The following CRTC1 variants were observed in gnomAD, a reference collection of about 807,000 sequenced individuals.
The protein encoded by CRTC1 is CREB regulated transcription coactivator 1.
CRTC1 carries 18 observed loss-of-function variants against 66.1 expected under a neutral mutation model. The ratio of observed to expected loss-of-function variants is 0.27; its 90% CI spans 0.19 to 0.40. CRTC1 has a LOEUF of 0.40. Ranked by LOEUF, CRTC1 falls within the 10% of genes least tolerant of loss-of-function variation. CRTC1 has a pLI of 1.00. For synonymous variants in CRTC1, 416 were observed against 398.8 expected (o/e 1.04, Z -0.51); for missense variants, 669 against 887.9 (o/e 0.75, Z 3.13).
intron 1 of CRTC1, among the ~76,000 whole-genome samples, chr19:18,734,823 G>C (rs1043381148): frequency 6.6e-6 from 1 of 152,218 alleles, no homozygotes; most frequent in African/African-American, 2.4e-5. Flanking sequence ...GGCAGCTCCT[G>C]CTACACAGCA....
chr19:18,762,465 C>G (rs1325307359), intron 8 of CRTC1, among the ~76,000 whole-genome samples: 1 of 152,232 alleles, frequency 6.6e-6, no homozygotes, highest in Non-Finnish European at 1.5e-5. Context: ...CCTCGCAAGC[C>G]CACCCGCCAG....
In CRTC1 at chr19:18,745,840, G is replaced by T. The variant is rs764017384; in HGVS notation, c.261G>T (p.Ser87=). Reference sequence around the variant, plus strand: ...TCCCCCAGACCCCCTTCCAATCCTCGGGCCTGGACACCAGCCGGACCACCC... The same window carrying T: ...TCCCCCAGACCCCCTTCCAATCCTCTGGCCTGGACACCAGCCGGACCACCC... ...DLPFQTPFQS[S]GLDTSRTTRH... Residue 87 remains serine (S), a synonymous_variant, in exon 3 of 14, where the codon TCG becomes TCT. Coordinates refer to ENST00000321949, the MANE Select transcript of CRTC1 (RefSeq NM_015321.3). The T allele has an allele frequency of 6.2e-7, 1 of 1,613,842 alleles. No homozygotes were observed. Among genetic ancestry groups the T allele is most frequent in the African/African-American group, 1.3e-5 (1 of 75,028 alleles).
At chr19:18,744,378 G>T (rs2054182933) in intron 2 of CRTC1, among the ~76,000 whole-genome samples, 1 of 152,214 alleles carries the variant, frequency 6.6e-6, no homozygotes, top group Non-Finnish European at 1.5e-5. Context: ...GACTCTTGGG[G>T]TCCATCTGGG....
chr19:18,760,871 C>T lies in CRTC1; in HGVS notation c.886+643C>T, dbSNP rs1020741710. Among the ~76,000 whole-genome samples the T allele has an allele frequency of 2.6e-5, 4 of 151,966 alleles. No homozygotes were observed. The highest frequency in any genetic ancestry group is 2.1e-4 in the South Asian group (1 of 4,820). ...CTGACCCATTGTCAGCGTGTCCTGT[C>T]GGTTCCGCCCTCAGGACCTGGCCTG... On this transcript the variant is annotated intron_variant, in intron 8 of 13. Coordinates refer to ENST00000321949, the MANE Select transcript of CRTC1 (RefSeq NM_015321.3). The surrounding 1 kb of genome is among the most constrained non-coding windows in gnomAD (Gnocchi z 6.2).
In CRTC1 at chr19:18,778,099, G is replaced by C. The variant is rs1363310173; in HGVS notation, c.*717G>C. 8.6e-6 allele frequency: 2 copies of C among 232,964 alleles called. No individual in the cohort carries two copies. Among genetic ancestry groups the C allele is most frequent in the African/African-American group, 2.2e-5 (1 of 45,316 alleles). 14.4% of individuals were successfully genotyped at this position (232,964 alleles called of 1,614,324 possible). On this transcript the variant is annotated 3_prime_UTR_variant, in exon 14 of 14. Coordinates refer to ENST00000321949, the MANE Select transcript of CRTC1 (RefSeq NM_015321.3). ...CGAAGCCCTGCCTCACCGCAGGCAG[G>C]CCCATCGGTGGCCACCTTTGCCGGG... is the stretch of plus-strand genomic sequence containing the variant.
intron 12 of CRTC1, among the ~76,000 whole-genome samples, chr19:18,775,303 C>T (rs1286882800): frequency 2.0e-5 from 3 of 152,232 alleles, no homozygotes; most frequent in African/African-American, 4.8e-5. Flanking sequence ...GTGGACGCGG[C>T]GCCTCGGCAT....
At chr19:18,706,806 T>C (rs1045022302) in intron 1 of CRTC1, among the ~76,000 whole-genome samples, 2 of 152,204 alleles carry the variant, frequency 1.3e-5, no homozygotes, top group African/African-American at 4.8e-5. Context: ...TGGAGAAATG[T>C]TTATTCAAGT....
At chr19:18,703,260 C>T (rs1279238964) in intron 1 of CRTC1, among the ~76,000 whole-genome samples, 2 of 152,064 alleles carry the variant, frequency 1.3e-5, no homozygotes, top group Non-Finnish European at 2.9e-5. Context: ...GTCTCAATCT[C>T]CTGACCTCGT....
chr19:18,775,131 G>A (rs993131446), intron 12 of CRTC1, 145 bp downstream of exon 12: 79 of 789,982 alleles, frequency 1.0e-4, no homozygotes, highest in Middle Eastern at 3.7e-4. Flanking sequence ...CTCGGCCCCC[G>A]CCCCGTCCCA....
intron 11 of CRTC1, among the ~76,000 whole-genome samples, chr19:18,772,633 G>T (rs1274249932): frequency 6.6e-6 from 1 of 152,150 alleles, no homozygotes; most frequent in Admixed American, 6.5e-5. Flanking sequence ...AAGCCCCTCT[G>T]CCCCCATCTC....
rs1355155586 is a variant in CRTC1, at chr19:18,741,373, C to A, written c.127-1537C>A. Among the ~76,000 whole-genome samples the A allele has an allele frequency of 6.6e-6, 1 of 152,228 alleles. No homozygotes were observed. Among genetic ancestry groups the A allele is most frequent in the Non-Finnish European group, 1.5e-5 (1 of 68,034 alleles). On this transcript the variant is annotated intron_variant, in intron 1 of 13. Transcript: ENST00000321949. The surrounding 1 kb of genome is among the most constrained non-coding windows in gnomAD (Gnocchi z 4.2). ...TGTCACACGTCGTGTGTCCCTCTCA[C>A]ACCCGCCTGTAGCACTCACTCTAGG...
Position 18,690,631 on chromosome 19 carries a change from A to G in CRTC1, c.126+6803A>G, listed in dbSNP as rs181599627. On this transcript the variant is annotated intron_variant, in intron 1 of 13. Coordinates refer to ENST00000321949, the MANE Select transcript of CRTC1 (RefSeq NM_015321.3). ...CCCTGTAACCCGTGAATTGGACCTT[A>G]GTTGGAAAAAAGGTTTCTGTAGATG... Among the ~76,000 whole-genome samples the G allele has an allele frequency of 2.0e-5, 3 of 152,228 alleles. No individual in the cohort carries two copies. The East Asian group carries it at 5.8e-4, about 29-fold the overall frequency.
intron 1 of CRTC1, among the ~76,000 whole-genome samples, chr19:18,726,310 C>T (rs2053751244): frequency 6.6e-6 from 1 of 152,354 alleles, no homozygotes; most frequent in Admixed American, 6.5e-5. Context: ...CTCGCTTCAC[C>T]CCTCGGTCCC....
At chr19:18,703,963 CCT>C (rs2053204537) in intron 1 of CRTC1, among the ~76,000 whole-genome samples, 1 of 152,162 alleles carries the variant, frequency 6.6e-6, no homozygotes, top group South Asian at 2.1e-4. Flanking sequence ...CTCAATGTCT[CCT>C]CATCATCCGT....
At chr19:18,759,882 C>G in intron 7 of CRTC1, 126 bp from the exon 8 acceptor site, 1 of 820,128 alleles carries the variant, frequency 1.2e-6, no homozygotes, top group Admixed American at 2.4e-5. Flanking sequence ...AGTGGTTTCC[C>G]AAGCACACGG....
chr19:18,735,188 C>T (rs1440313934), intron 1 of CRTC1, among the ~76,000 whole-genome samples: 2 of 152,162 alleles, frequency 1.3e-5, no homozygotes, highest in African/African-American at 4.8e-5. Context: ...CTGCAGCCTC[C>T]GACATCACTT....
At chr19:18,702,063 A>C (rs892569642) in intron 1 of CRTC1, among the ~76,000 whole-genome samples, 1 of 150,402 alleles carries the variant, frequency 6.6e-6, no homozygotes, top group African/African-American at 2.5e-5. Context: ...AGCTGGGATT[A>C]TAGGCGTGTA....
chr19:18,760,040 C>G lies in CRTC1; in HGVS notation c.698C>G (p.Thr233Arg), dbSNP rs1368325764. 1 of 1,603,502 alleles carries G rather than the reference C, an allele frequency of 6.2e-7. No individual in the cohort carries two copies. Among genetic ancestry groups the G allele is most frequent in the Admixed American group, 1.7e-5 (1 of 59,628 alleles). Residue 233 changes from threonine to arginine, a missense_variant, in exon 8 of 14, where the codon ACA (threonine) becomes AGA (arginine). Around this residue, in one of 8 missense-constraint regions of CRTC1, gnomAD observed 214 missense variants for 323.4 expected, o/e 0.66. Transcript: ENST00000321949. This position sits in a 1 kb window ranked among gnomAD's most constrained non-coding sequence, Gnocchi z 6.2. ...CCGTCTGCCGACCAGGAAAACACTA[C>G]AGCCCTGATCCCCGCCACCCACAAC... ...IFPSADQENTTALIPATHNTG... is the reference protein window; with the variant it reads ...IFPSADQENTRALIPATHNTG...
At chr19:18,721,022 T>C (rs2053615428) in intron 1 of CRTC1, among the ~76,000 whole-genome samples, 1 of 152,166 alleles carries the variant, frequency 6.6e-6, no homozygotes, top group East Asian at 1.9e-4. Flanking sequence ...CAGGAGGCTC[T>C]AGGGGAGGAT....
Sources: gnomAD v4.1 joint callset for allele counts (sites outside exome capture counted in the v4.1 genomes callset) on GRCh38, gnomAD v4.1.1 for gene constraint, gnomAD v4.1.1 regional missense constraint, Gnocchi (gnomAD v3.1) non-coding constraint, MANE v1.5 for transcripts, NCBI Gene and HGNC (gene_info 2026-07-23, HGNC 2026-07-21) for gene names.